TCERG1L: variants seen among roughly 807,000 people sequenced by gnomAD.
The protein encoded by TCERG1L is transcription elongation regulator 1 like, also known as transcription elongation regulator 1-like protein.
In TCERG1L, 37 loss-of-function variants were observed where a neutral mutation model predicts 56.3. That is an observed-to-expected ratio of 0.66 (90% CI 0.51 to 0.87). The LOEUF (loss-of-function observed/expected upper bound fraction) is 0.87. TCERG1L is among the 40% of genes least tolerant of loss of function. TCERG1L has a pLI of 0.00. For synonymous variants in TCERG1L, 324 were observed against 326.3 expected (o/e 0.99, Z 0.08); for missense variants, 799 against 774.2 (o/e 1.03, Z -0.38).
chr10:131,223,837 C>T (rs1055124516), intron 4 of TCERG1L, among the ~76,000 whole-genome samples: 1 of 151,986 alleles, frequency 6.6e-6, no homozygotes, highest in Admixed American at 6.6e-5. Flanking sequence ...GAACCCTCCC[C>T]TGGCCCTCCC....
chr10:131,143,582 A>AG (rs1845761948), intron 7 of TCERG1L, among the ~76,000 whole-genome samples: 1 of 152,142 alleles, frequency 6.6e-6, no homozygotes, highest in African/African-American at 2.4e-5. Flanking sequence ...GCCAGATGGC[A>AG]GGGGGGTTTC....
chr10:131,137,048 G>C (rs924158907), intron 7 of TCERG1L, among the ~76,000 whole-genome samples: 2 of 151,942 alleles, frequency 1.3e-5, no homozygotes, highest in African/African-American at 4.8e-5. Flanking sequence ...GCTGAGGCAG[G>C]AGAATCACTT....
At chr10:131,129,628 G>T (rs892049761) in intron 8 of TCERG1L, among the ~76,000 whole-genome samples, 2 of 152,138 alleles carry the variant, frequency 1.3e-5, no homozygotes, top group African/African-American at 4.8e-5. Flanking sequence ...AGCACACACT[G>T]GACCATCTTA....
chr10:131,262,953 T>C (rs1379603915), intron 3 of TCERG1L, among the ~76,000 whole-genome samples: 1 of 152,098 alleles, frequency 6.6e-6, no homozygotes, highest in Non-Finnish European at 1.5e-5. Flanking sequence ...CATCTTCCGC[T>C]TGGCAATATC....
chr10:131,248,238 C>G (rs180866285), intron 4 of TCERG1L, among the ~76,000 whole-genome samples: 2 of 147,916 alleles, frequency 1.4e-5, no homozygotes, highest in African/African-American at 5.1e-5. Flanking sequence ...CACACACACA[C>G]GACTCACACA....
At position 131,260,524 on chromosome 10, in the gene TCERG1L, A is replaced by T. The variant is rs1641460942; in HGVS notation, c.671-80T>A. 7.6e-7 allele frequency: 1 copy of T among 1,308,958 alleles called. No individual in the cohort carries two copies. The highest frequency in any genetic ancestry group is 9.7e-7 in the Non-Finnish European group (1 of 1,027,516). 81.1% of individuals were successfully genotyped at this position (1,308,958 alleles called of 1,614,324 possible). On this transcript the variant is annotated intron_variant, in intron 3 of 11. Transcript: ENST00000368642. This position sits in a 1 kb window ranked among gnomAD's most constrained non-coding sequence, Gnocchi z 5.8. ...CAGATGCCCATCTCGCTACCGCAAGATATCAGCCCCCAGAAAACAGGTGAG... is the reference window on the plus strand; with the variant it reads ...CAGATGCCCATCTCGCTACCGCAAGTTATCAGCCCCCAGAAAACAGGTGAG...
At chr10:131,185,579 G>T (rs1019403062) in intron 4 of TCERG1L, among the ~76,000 whole-genome samples, 1 of 152,042 alleles carries the variant, frequency 6.6e-6, no homozygotes, top group Non-Finnish European at 1.5e-5. Flanking sequence ...ATGAGCAAAT[G>T]ACTCAAATCA....
chr10:131,161,450 G>A (rs1187614231), intron 6 of TCERG1L: 6 of 152,222 alleles, frequency 3.9e-5, no homozygotes, highest in Admixed American at 3.9e-4. Context: ...CCAGATTCCT[G>A]ACACAGAGCT....
intron 6 of TCERG1L, among the ~76,000 whole-genome samples, chr10:131,147,175 G>GCCC (rs755340850): frequency 2.4e-4 from 36 of 152,152 alleles, no homozygotes; most frequent in Admixed American, 1.3e-3. Flanking sequence ...AGCAACCACA[G>GCCC]CCCCGGTGTC....
At chr10:131,189,311 T>G (rs1845281056) in intron 4 of TCERG1L, among the ~76,000 whole-genome samples, 1 of 152,184 alleles carries the variant, frequency 6.6e-6, no homozygotes. Flanking sequence ...ATTACATAAC[T>G]TCCAATTATC....
At chr10:131,146,752 G>C in intron 6 of TCERG1L, 92 bp from the exon 7 acceptor site, 6 of 1,370,676 alleles carry the variant, frequency 4.4e-6, no homozygotes, top group South Asian at 1.8e-5. Context: ...AGCCCCTCAG[G>C]ACCGAAATCC....
intron 7 of TCERG1L, among the ~76,000 whole-genome samples, chr10:131,135,238 GGC>G (rs1845662399): frequency 6.6e-6 from 1 of 152,106 alleles, no homozygotes; most frequent in African/African-American, 2.4e-5. Flanking sequence ...CAGCTTGGGT[GGC>G]CAACTGAGCT....
At chr10:131,297,164 A>G (rs545096726) in intron 3 of TCERG1L, among the ~76,000 whole-genome samples, 18 of 152,264 alleles carry the variant, frequency 1.2e-4, no homozygotes, top group African/African-American at 4.3e-4. Flanking sequence ...TTATCCTTCC[A>G]CTATTCAGTT....
intron 3 of TCERG1L, among the ~76,000 whole-genome samples, chr10:131,281,847 A>T (rs150002091): frequency 0.032 from 4,503 of 142,808 alleles, 81 homozygotes; most frequent in Middle Eastern, 0.056. Flanking sequence ...ACCAATGAAA[A>T]CCCTTCTGGC....
At chr10:131,244,984 A>G (rs1846015360) in intron 4 of TCERG1L, among the ~76,000 whole-genome samples, 2 of 152,186 alleles carry the variant, frequency 1.3e-5, no homozygotes, top group African/African-American at 4.8e-5. Context: ...CAGATGCTGC[A>G]GGGGGACTGG....
At chr10:131,281,790 GC>G (rs1194202582) in intron 3 of TCERG1L, among the ~76,000 whole-genome samples, 3 of 152,026 alleles carry the variant, frequency 2.0e-5, no homozygotes, top group Non-Finnish European at 4.4e-5. Flanking sequence ...AGCCTGATCC[GC>G]CCCCTGCTTA....
intron 4 of TCERG1L, among the ~76,000 whole-genome samples, chr10:131,222,659 C>T (rs183044191): frequency 5.3e-5 from 8 of 152,284 alleles, no homozygotes; most frequent in African/African-American, 9.6e-5. Flanking sequence ...AGGGTATGGC[C>T]GAGCCTTTCG....
chr10:131,242,809 T>C (rs1401540285), intron 4 of TCERG1L, among the ~76,000 whole-genome samples: 1 of 152,188 alleles, frequency 6.6e-6, no homozygotes, highest in African/African-American at 2.4e-5. Flanking sequence ...TGTTTATTTA[T>C]TGACTCATTA....
chr10:131,170,049 T>G (rs1318719128), intron 4 of TCERG1L, among the ~76,000 whole-genome samples: 1 of 152,142 alleles, frequency 6.6e-6, no homozygotes, highest in Non-Finnish European at 1.5e-5. Context: ...AAGCCCCCAG[T>G]CACAGACACA....
Sources: allele counts gnomAD v4.1 joint callset (sites outside exome capture counted in the v4.1 genomes callset), GRCh38; gene constraint gnomAD v4.1.1; non-coding constraint Gnocchi (gnomAD v3.1); transcripts MANE v1.5; gene names NCBI Gene and HGNC (gene_info 2026-07-23, HGNC 2026-07-21).